CYBA: variants seen among roughly 807,000 people sequenced by gnomAD.
CYBA encodes the protein cytochrome b-245 light chain.
CYBA carries 21 observed loss-of-function variants against 20.8 expected under a neutral mutation model. The observed-to-expected ratio is 1.01, with a 90% confidence interval of 0.72 to 1.46. The LOEUF (loss-of-function observed/expected upper bound fraction) is 1.46, where lower values mean the gene tolerates loss of function less well. Ranked by LOEUF, CYBA falls within the 40% of genes most tolerant of loss-of-function variation. The probability of loss-of-function intolerance (pLI) is 0.00; values close to 1 mark genes in which losing one functional copy is unlikely to be tolerated. For synonymous variants in CYBA, 164 were observed against 127.5 expected, an observed-to-expected ratio of 1.29 and a Z score of -1.93; for missense variants, 344 against 287.0, an observed-to-expected ratio of 1.20 and a Z score of -1.43.
Position 88,643,451 on chromosome 16 carries a change from G to A in CYBA, c.490C>T (p.Arg164Cys), listed in dbSNP as rs751340079. ...GCCTCCTCCTCGCTGGGCTTCTTGC[G>A]GGCCTCGGCCGGGGGCCGCGGCGGG... ...NPPPRPPAEA[R>C]KKPSEEEAAV... Residue 164 changes from arginine to cysteine, a missense_variant, in exon 6 of 6, where the codon CGC (arginine) becomes TGC (cysteine). Transcript: ENST00000261623. This position sits in a 1 kb window ranked among gnomAD's most constrained non-coding sequence, Gnocchi z 4.3. 26 of 1,533,294 alleles carry A rather than the reference G, an allele frequency of 1.7e-5. No individual in the cohort carries two copies. In the African/African-American group the frequency reaches 1.8e-4, roughly 11 times the overall value. The allele number at this position is 1,533,294 out of a possible 1,614,324, so 95.0% of individuals were successfully genotyped here.
intron 1 of CYBA, chr16:88,650,380 C>T: frequency 2.2e-6 from 1 of 456,906 alleles, no homozygotes; most frequent in Non-Finnish European, 4.4e-6. Context: ...CCATCCCACC[C>T]CAAGAGCAAA....
chr16:88,645,763 C>G, intron 5 of CYBA: 1 of 533,724 alleles, frequency 1.9e-6, no homozygotes, highest in South Asian at 2.3e-5. Flanking sequence ...GATAATGGGA[C>G]CCAAGCGCAG....
rs777676283 is a variant in CYBA at position 88,643,367 on chromosome 16, C to G, written c.574G>C (p.Asp192His). 1.3e-6 allele frequency: 2 copies of G among 1,526,540 alleles called. No individual in the cohort carries two copies. Among genetic ancestry groups the G allele is most frequent in the Admixed American group, 4.1e-5 (2 of 49,096 alleles). 94.6% of individuals were successfully genotyped at this position (1,526,540 alleles called of 1,614,324 possible). Reference protein sequence around the residue: ...GPQVNPIPVTDEVV With the variant: ...GPQVNPIPVTHEVV ...CCGGGGCGAGGTCACACGACCTCGT[C>G]GGTCACCGGGATGGGGTTGACCTGG... is the stretch of plus-strand genomic sequence containing the variant. The change falls in exon 6 of 6, where the codon GAC becomes CAC. Residue 192 changes from aspartate to histidine, a missense_variant. Coordinates refer to ENST00000261623, the MANE Select transcript of CYBA (RefSeq NM_000101.4). The surrounding 1 kb of genome is among the most constrained non-coding windows in gnomAD (Gnocchi z 4.3).
Position 88,646,212 on chromosome 16 carries a change from G to T in CYBA, c.288-15C>A. ...GCACCGAGAGCCTGGGGGACAGCGG[G>T]TGAGAGGCAGGGACACAGAAGGGCA... On this transcript the variant is annotated splice_polypyrimidine_tract_variant and intron_variant, in intron 4 of 5. Coordinates refer to ENST00000261623, the MANE Select transcript of CYBA (RefSeq NM_000101.4). 6.5e-7 allele frequency: 1 copy of T among 1,546,084 alleles called. No individual in the cohort carries two copies. Among genetic ancestry groups the T allele is most frequent in the Non-Finnish European group, 8.7e-7 (1 of 1,148,832 alleles).
Position 88,648,048 on chromosome 16 carries a change from G to C in CYBA, c.125C>G (p.Ser42Cys), listed in dbSNP as rs1328286137. Residue 42 changes from serine to cysteine, a missense_variant, in exon 2 of 6, where the codon TCC becomes TGC. By Grantham distance (112) the Ser-to-Cys change is moderately radical. Transcript: ENST00000261623. Reference sequence around the variant, plus strand: ...CCAGCCTCAGGTGGAAGGATACATGGAGTAGGCACCAAAGTACCACTGGGT... The same window carrying C: ...CCAGCCTCAGGTGGAAGGATACATGCAGTAGGCACCAAAGTACCACTGGGT... Reference protein sequence around the residue: ...RFTQWYFGAYSIVAGVFVCLL... With the variant: ...RFTQWYFGAYCIVAGVFVCLL... 6.2e-7 allele frequency: 1 copy of C among 1,612,504 alleles called. No homozygotes were observed. Among genetic ancestry groups the C allele is most frequent in the East Asian group, 2.2e-5 (1 of 44,844 alleles).
Position 88,643,518 on chromosome 16 carries a change from C to T in CYBA, c.423G>A (p.Arg141=), listed in dbSNP as rs1220256898. ...GCTTGATGGTGCCTCCGATCTGCGG[C>T]CGCTCCCGGGGCTTGGGCTCGATGG... is the stretch of plus-strand genomic sequence containing the variant. The part of the protein sequence containing the change: ...WTPIEPKPRE[R]PQIGGTIKQP... Residue 141 remains arginine (R), a synonymous_variant, in exon 6 of 6, where the codon CGG becomes CGA. Coordinates refer to ENST00000261623, the MANE Select transcript of CYBA (RefSeq NM_000101.4). This position sits in a 1 kb window ranked among gnomAD's most constrained non-coding sequence, Gnocchi z 4.3. 6.5e-7 allele frequency: 1 copy of T among 1,534,716 alleles called. No homozygotes were observed.
intron 1 of CYBA, 132 bp from the exon 2 acceptor site, chr16:88,648,246 G>A: frequency 1.2e-6 from 1 of 827,472 alleles, no homozygotes; most frequent in South Asian, 1.5e-5. Context: ...CACAGTGACA[G>A]GGTCGGGGAC....
chr16:88,643,694 G>T lies in CYBA; in HGVS notation c.370-123C>A. On this transcript the variant is annotated intron_variant, in intron 5 of 5. Transcript: ENST00000261623. The surrounding 1 kb of genome is among the most constrained non-coding windows in gnomAD (Gnocchi z 4.3). Reference sequence around the variant, plus strand: ...CTCAAGTCTGAATCCCACGCAGGATGGTGTGACTGCCACTCAGAGAGGTTA... The same window carrying T: ...CTCAAGTCTGAATCCCACGCAGGATTGTGTGACTGCCACTCAGAGAGGTTA... The T allele has an allele frequency of 1.1e-6, 1 of 928,818 alleles. No individual in the cohort carries two copies. The allele number at this position is 928,818 out of a possible 1,614,324, so 57.5% of individuals were successfully genotyped here. A position where few individuals can be genotyped will look rare whatever the true frequency, so the allele number is the denominator to read the frequency against.
At position 88,643,690 on chromosome 16, in the gene CYBA, G is replaced by C. The variant is rs1338387384; in HGVS notation, c.370-119C>G. ...CAGGCTCAAGTCTGAATCCCACGCA[G>C]GATGGTGTGACTGCCACTCAGAGAG... is the stretch of plus-strand genomic sequence containing the variant. On this transcript the variant is annotated intron_variant, in intron 5 of 5. Coordinates refer to ENST00000261623, the MANE Select transcript of CYBA (RefSeq NM_000101.4). This position sits in a 1 kb window ranked among gnomAD's most constrained non-coding sequence, Gnocchi z 4.3. The C allele has an allele frequency of 2.1e-6, 2 of 969,100 alleles. No homozygotes were observed. The highest frequency in any genetic ancestry group is 2.9e-5 in the South Asian group (2 of 68,754). 60.0% of individuals were successfully genotyped at this position (969,100 alleles called of 1,614,324 possible). A position where few individuals can be genotyped will look rare whatever the true frequency, so the allele number is the denominator to read the frequency against.
chr16:88,645,315 A>C (rs1433564327), intron 5 of CYBA: 1 of 702,436 alleles, frequency 1.4e-6, no homozygotes, highest in East Asian at 2.7e-5. Flanking sequence ...ACAGAACTCC[A>C]CTTCCATACG....
rs1026229955 is a variant in CYBA at position 88,645,024 on chromosome 16, T to C, written c.369+1092A>G. 2.1e-4 allele frequency: 129 copies of C among 624,506 alleles called. No individual in the cohort carries two copies. In the African/African-American group the frequency reaches 2.2e-3, roughly 11 times the overall value. 38.7% of individuals were successfully genotyped at this position (624,506 alleles called of 1,614,324 possible). ...AAAGCCTAGTGCATGGTGGGAGAGATGGGGCCACATGGCTGGTGGTGGGTT... is the reference window on the plus strand; with the variant it reads ...AAAGCCTAGTGCATGGTGGGAGAGACGGGGCCACATGGCTGGTGGTGGGTT... On this transcript the variant is annotated intron_variant, in intron 5 of 5. Transcript: ENST00000261623.
chr16:88,645,924 T>C (rs1356718492), intron 5 of CYBA, 192 bp downstream of exon 5: 4 of 609,252 alleles, frequency 6.6e-6, no homozygotes, highest in Non-Finnish European at 1.2e-5. Context: ...CCCGACACAC[T>C]AGACACGCCA....
At chr16:88,648,015 C>T (rs926147892) in intron 2 of CYBA, 30 bp downstream of exon 2, 40 of 1,601,830 alleles carry the variant, frequency 2.5e-5, no homozygotes, top group African/African-American at 1.2e-4. Context: ...GGGCGTTCCC[C>T]GCCCACCCCA....
At chr16:88,645,643 C>T (rs1054238804) in intron 5 of CYBA, 6 of 590,930 alleles carry the variant, frequency 1.0e-5, no homozygotes, top group African/African-American at 7.4e-5. Flanking sequence ...AGCCTTCTAA[C>T]AGGGTGCAGC....
At chr16:88,646,601 G>T (rs1250777938) in intron 4 of CYBA, 154 bp downstream of exon 4, 1 of 742,114 alleles carries the variant, frequency 1.3e-6, no homozygotes, top group Non-Finnish European at 2.4e-6. Flanking sequence ...GCAGACACAG[G>T]CCCTGCCAGA....
intron 2 of CYBA, 127 bp downstream of exon 2, chr16:88,647,918 A>G (rs976319546): frequency 1.0e-6 from 1 of 954,604 alleles, no homozygotes; most frequent in African/African-American, 1.6e-5. Flanking sequence ...CAACCCGTGC[A>G]CAGCCCACCC....
At chr16:88,644,404 C>T (rs989064322) in intron 5 of CYBA, among the ~76,000 whole-genome samples, 1 of 152,228 alleles carries the variant, frequency 6.6e-6, no homozygotes, top group South Asian at 2.1e-4. Flanking sequence ...TCTGCTCTTC[C>T]GTGCAGTGAA....
At chr16:88,648,954 T>TG (rs1907397058) in intron 1 of CYBA, among the ~76,000 whole-genome samples, 1 of 147,162 alleles carries the variant, frequency 6.8e-6, no homozygotes, top group Non-Finnish European at 1.5e-5. Context: ...TTTTTTTTTT[T>TG]GGAGACAGAG....
At chr16:88,648,597 A>G (rs79446311) in intron 1 of CYBA, among the ~76,000 whole-genome samples, 36 of 143,994 alleles carry the variant, frequency 2.5e-4, no homozygotes, top group African/African-American at 8.2e-4. Flanking sequence ...TTGGGGGGGT[A>G]TTGTCCAATA....
Sources: gnomAD v4.1 joint callset for allele counts (sites outside exome capture counted in the v4.1 genomes callset) on GRCh38, gnomAD v4.1.1 for gene constraint, Gnocchi (gnomAD v3.1) non-coding constraint, MANE v1.5 for transcripts, NCBI Gene and HGNC (gene_info 2026-07-23, HGNC 2026-07-21) for gene names.